SLIT3: variants seen among roughly 807,000 people sequenced by gnomAD.
SLIT3 encodes the protein slit guidance ligand 3, also known as slit homolog 3 protein.
In SLIT3, 68 loss-of-function variants were observed where a neutral mutation model predicts 184.0. That is an observed-to-expected ratio of 0.37 (90% CI 0.30 to 0.45). The LOEUF is 0.45. SLIT3 is among the 20% of genes least tolerant of loss of function. The pLI, the probability that SLIT3 is intolerant of heterozygous loss-of-function variation, is 1.00. For synonymous variants in SLIT3, 831 were observed against 828.6 expected (o/e 1.00, Z -0.05); for missense variants, 1,707 against 2,026.0 (o/e 0.84, Z 3.02).
intron 4 of SLIT3, among the ~76,000 whole-genome samples, chr5:169,138,150 T>C (rs1761591040): frequency 6.6e-6 from 1 of 152,216 alleles, no homozygotes; most frequent in Admixed American, 6.5e-5. Context: ...TCCCCTTTTC[T>C]GTGTTGGTGC....
At chr5:169,041,444 G>C (rs984488129) in intron 4 of SLIT3, among the ~76,000 whole-genome samples, 1 of 151,954 alleles carries the variant, frequency 6.6e-6, no homozygotes, top group Non-Finnish European at 1.5e-5. Flanking sequence ...CATCTATCAT[G>C]GATTTGATTT....
chr5:168,876,895 T>A (rs1759752174), intron 5 of SLIT3, among the ~76,000 whole-genome samples: 1 of 152,244 alleles, frequency 6.6e-6, no homozygotes, highest in Non-Finnish European at 1.5e-5. Flanking sequence ...GGTATATTAT[T>A]ATTTCTATAG....
intron 5 of SLIT3, among the ~76,000 whole-genome samples, chr5:168,855,734 G>T (rs1758838867): frequency 6.6e-6 from 1 of 152,188 alleles, no homozygotes; most frequent in African/African-American, 2.4e-5. Flanking sequence ...GAGGGAATGG[G>T]GAGTGACTGC....
At position 168,839,378 on chromosome 5, in the gene SLIT3, G is replaced by A. The variant is rs539564463; in HGVS notation, c.557+5206C>T. On this transcript the variant is annotated intron_variant, in intron 6 of 35. Transcript: ENST00000519560. ...TGGCAGTTAATGTAAATTGGTAGGG[G>A]TCAGTGGCAGAGTGGGGTCTACATG... Among the ~76,000 whole-genome samples, 4 of 152,300 alleles carry A rather than the reference G, an allele frequency of 2.6e-5. No homozygotes were observed. In the South Asian group the frequency reaches 8.3e-4, roughly 32 times the overall value.
chr5:169,150,791 T>A (rs1762087870), intron 4 of SLIT3, among the ~76,000 whole-genome samples: 3 of 152,264 alleles, frequency 2.0e-5, no homozygotes, highest in Middle Eastern at 3.4e-3. Context: ...CTCCAAAGGA[T>A]CTGGGGATAT....
Position 168,696,428 on chromosome 5 carries a change from G to A in SLIT3, c.2946C>T (p.Cys982=), listed in dbSNP as rs1159703307. The part of the protein sequence containing the change: ...LSDSHKDGFS[C]SCPLGFEGQR... ...GCCCCTCAAAGCCCAGAGGGCAGGA[G>A]CAGCTTTGGGATGTGAGGGGTGGAG... The change falls in exon 28 of 36, where the codon TGC becomes TGT. Residue 982 remains cysteine (C), a synonymous_variant. Coordinates refer to ENST00000519560, the MANE Select transcript of SLIT3 (RefSeq NM_003062.4). 1.2e-6 allele frequency: 2 copies of A among 1,614,134 alleles called. No homozygotes were observed. Among genetic ancestry groups the A allele is most frequent in the Non-Finnish European group, 1.7e-6 (2 of 1,180,024 alleles).
intron 4 of SLIT3, among the ~76,000 whole-genome samples, chr5:168,909,473 A>G (rs2113072501): frequency 1.3e-5 from 2 of 152,300 alleles, no homozygotes; most frequent in East Asian, 3.9e-4. Flanking sequence ...CCAGTTTAGC[A>G]TCGCCCACAG....
At chr5:169,172,339 T>C (rs1762844175) in intron 4 of SLIT3, among the ~76,000 whole-genome samples, 2 of 152,218 alleles carry the variant, frequency 1.3e-5, no homozygotes, top group South Asian at 4.1e-4. Flanking sequence ...TATTAAGAAG[T>C]TGTAACTTCC....
chr5:168,875,108 G>T (rs1347383922), intron 5 of SLIT3, among the ~76,000 whole-genome samples: 1 of 149,076 alleles, frequency 6.7e-6, no homozygotes, highest in Non-Finnish European at 1.5e-5. Context: ...AGGAAGCGGG[G>T]GAGAAAAGGA....
intron 4 of SLIT3, among the ~76,000 whole-genome samples, chr5:169,070,561 C>A (rs1188250302): frequency 2.0e-5 from 3 of 152,090 alleles, no homozygotes; most frequent in Admixed American, 2.0e-4. Context: ...CAAGTTTGAA[C>A]TTTTGTCAGC....
At chr5:169,011,621 TG>T (rs1756156893) in intron 4 of SLIT3, among the ~76,000 whole-genome samples, 1 of 152,176 alleles carries the variant, frequency 6.6e-6, no homozygotes, top group African/African-American at 2.4e-5. Flanking sequence ...GACAGTCATT[TG>T]CTGGGGGAGA....
chr5:168,958,622 CTTTCACATCTACCACAATCTT>C (rs1434091029), intron 4 of SLIT3, among the ~76,000 whole-genome samples: 3 of 152,194 alleles, frequency 2.0e-5, no homozygotes, highest in African/African-American at 7.2e-5. Flanking sequence ...ACACTTCCAC[CTTTCACATCTACCACAATCTT>C]TGACACAATC....
intron 3 of SLIT3, among the ~76,000 whole-genome samples, chr5:169,226,140 G>T (rs556192809): frequency 6.6e-6 from 1 of 152,176 alleles, no homozygotes; most frequent in East Asian, 1.9e-4. Flanking sequence ...ATACAGATGT[G>T]GAATCCCCAT....
At chr5:168,750,081 C>T (rs1242661107) in intron 18 of SLIT3, among the ~76,000 whole-genome samples, 1 of 152,162 alleles carries the variant, frequency 6.6e-6, no homozygotes, top group African/African-American at 2.4e-5. Context: ...TCCCTCATTC[C>T]CTTTCATTCT....
intron 4 of SLIT3, among the ~76,000 whole-genome samples, chr5:169,087,404 T>C (rs771897594): frequency 3.0e-4 from 45 of 152,198 alleles, no homozygotes; most frequent in Non-Finnish European, 5.4e-4. Flanking sequence ...TTTCTGGAGC[T>C]GGGCTCACTT....
chr5:169,089,019 CAAAAAAAAAAAAAAAAAAA>C (rs570118972), intron 4 of SLIT3, among the ~76,000 whole-genome samples: 1,799 of 25,598 alleles, frequency 0.07, 66 homozygotes, highest in African/African-American at 0.18. Flanking sequence ...GACTCCATCT[CAAAAAAAAAAAAAAAAAAA>C]AAAAAAAAAA....
chr5:169,014,206 C>T (rs1756277371), intron 4 of SLIT3, among the ~76,000 whole-genome samples: 2 of 152,256 alleles, frequency 1.3e-5, no homozygotes, highest in East Asian at 3.9e-4. Flanking sequence ...TGGCATGATA[C>T]AAAGGGACTG....
chr5:168,830,148 G>GGC (rs1244224375), intron 6 of SLIT3, among the ~76,000 whole-genome samples: 1 of 152,070 alleles, frequency 6.6e-6, no homozygotes, highest in Admixed American at 6.5e-5. Flanking sequence ...CTGCATGGAT[G>GGC]GCTTCTCTTT....
intron 4 of SLIT3, among the ~76,000 whole-genome samples, chr5:169,162,967 T>A (rs1334951188): frequency 6.6e-6 from 1 of 152,012 alleles, no homozygotes; most frequent in East Asian, 1.9e-4. Flanking sequence ...TTGAACCTGA[T>A]TCCAACACAG....
Sources: allele counts gnomAD v4.1 joint callset (sites outside exome capture counted in the v4.1 genomes callset), GRCh38; gene constraint gnomAD v4.1.1; transcripts MANE v1.5; gene names NCBI Gene and HGNC (gene_info 2026-07-23, HGNC 2026-07-21).